SCAPER: variants seen among roughly 807,000 people sequenced by gnomAD.
The protein encoded by SCAPER is S phase cyclin A-associated protein in the endoplasmic reticulum.
Under a neutral mutation model 182.2 loss-of-function variants are expected in SCAPER, and 98 were observed. The ratio of observed to expected loss-of-function variants is 0.54; its 90% confidence interval spans 0.46 to 0.64. The LOEUF (loss-of-function observed/expected upper bound fraction) is 0.64, where lower values mean the gene tolerates loss of function less well. Ranked by LOEUF, SCAPER falls within the 30% of genes least tolerant of loss-of-function variation. SCAPER has a pLI of 0.00. For missense variants in SCAPER, 1,432 were observed against 1,690.0 expected (o/e 0.85, Z 2.68); for synonymous variants, 605 against 564.6 (o/e 1.07, Z -1.01).
At chr15:76,491,633 T>C (rs1267958131) in intron 24 of SCAPER, among the ~76,000 whole-genome samples, 1 of 152,100 alleles carries the variant, frequency 6.6e-6, no homozygotes, top group African/African-American at 2.4e-5. Flanking sequence ...CTGGTTTTGT[T>C]TTTTTGTTTT....
chr15:76,608,653 TG>T (rs1470058478), intron 22 of SCAPER, among the ~76,000 whole-genome samples: 1 of 152,202 alleles, frequency 6.6e-6, no homozygotes, highest in Admixed American at 6.5e-5. Flanking sequence ...CCTTGAGCTG[TG>T]GTGGGCTCTA....
chr15:76,693,139 T>C (rs1222003551), intron 20 of SCAPER, among the ~76,000 whole-genome samples: 5 of 152,104 alleles, frequency 3.3e-5, no homozygotes, highest in African/African-American at 1.2e-4. Flanking sequence ...GCATAAAATA[T>C]CTAGAATACC....
At chr15:76,716,149 C>A (rs1193633537) in intron 17 of SCAPER, among the ~76,000 whole-genome samples, 1 of 152,178 alleles carries the variant, frequency 6.6e-6, no homozygotes, top group Non-Finnish European at 1.5e-5. Flanking sequence ...GCCAACATCA[C>A]TGACACAGAC....
intron 27 of SCAPER, among the ~76,000 whole-genome samples, chr15:76,391,549 G>A (rs549790964): frequency 1.3e-5 from 2 of 152,324 alleles, no homozygotes; most frequent in East Asian, 1.9e-4. Context: ...AAGGAATGAA[G>A]GCCTTGGATG....
intron 1 of SCAPER, among the ~76,000 whole-genome samples, chr15:76,898,529 A>G (rs1157835437): frequency 6.6e-6 from 1 of 152,272 alleles, no homozygotes; most frequent in African/African-American, 2.4e-5. Context: ...AAAATGTGGT[A>G]TATCCATATG....
At chr15:76,656,966 G>A (rs1195840365) in intron 21 of SCAPER, among the ~76,000 whole-genome samples, 1 of 152,064 alleles carries the variant, frequency 6.6e-6, no homozygotes, top group East Asian at 1.9e-4. Context: ...CAAATTAACA[G>A]CCTAACATCA....
At chr15:76,572,913 T>A (rs62030375) in intron 23 of SCAPER, among the ~76,000 whole-genome samples, 64,107 of 118,470 alleles carry the variant, frequency 0.54, 16,569 homozygotes, top group Middle Eastern at 0.64. Context: ...TCTCTCTCTC[T>A]CTCTCTCACA....
At chr15:76,800,416 C>A (rs909113809) in intron 6 of SCAPER, 52 bp from the exon 7 acceptor site, 17 of 1,152,952 alleles carry the variant, frequency 1.5e-5, no homozygotes, top group Non-Finnish European at 3.8e-6. Flanking sequence ...AAGGGAGAAA[C>A]AAATAATCTT....
chr15:76,623,404 T>C (rs2146124782), intron 21 of SCAPER, among the ~76,000 whole-genome samples: 2 of 152,364 alleles, frequency 1.3e-5, no homozygotes, highest in East Asian at 1.9e-4. Context: ...CTTTCATTCA[T>C]CTTGAGTTAA....
intron 26 of SCAPER, among the ~76,000 whole-genome samples, chr15:76,422,451 A>G (rs1186442106): frequency 2.0e-5 from 3 of 152,128 alleles, no homozygotes; most frequent in Non-Finnish European, 4.4e-5. Flanking sequence ...AATGCTTATG[A>G]TTTTTGCACA....
intron 23 of SCAPER, among the ~76,000 whole-genome samples, chr15:76,554,680 G>A (rs758869909): frequency 1.1e-4 from 16 of 151,780 alleles, no homozygotes; most frequent in Non-Finnish European, 2.2e-4. Flanking sequence ...AAGGCAGCTA[G>A]AGAGAAGGGG....
chr15:76,903,807 T>G (rs1324244924), intron 1 of SCAPER, among the ~76,000 whole-genome samples: 1 of 152,180 alleles, frequency 6.6e-6, no homozygotes, highest in Non-Finnish European at 1.5e-5. Context: ...CAGTTCTCAA[T>G]ACTTTACAGA....
intron 21 of SCAPER, among the ~76,000 whole-genome samples, chr15:76,630,536 C>T (rs1185137258): frequency 6.6e-6 from 1 of 152,154 alleles, no homozygotes; most frequent in African/African-American, 2.4e-5. Context: ...TTCTTAACTT[C>T]TGCCTTAATT....
intron 20 of SCAPER, among the ~76,000 whole-genome samples, chr15:76,667,230 C>T (rs560222013): frequency 6.6e-5 from 10 of 152,248 alleles, no homozygotes; most frequent in African/African-American, 2.4e-4. Flanking sequence ...TTCTTGCAAC[C>T]TTAGTCCTAC....
At chr15:76,445,792 A>C (rs2047959217) in intron 25 of SCAPER, among the ~76,000 whole-genome samples, 1 of 152,114 alleles carries the variant, frequency 6.6e-6, no homozygotes. Context: ...TCAGGCTTCC[A>C]ATACAGTCTC....
At chr15:76,512,837 T>C (rs2042146572) in intron 23 of SCAPER, among the ~76,000 whole-genome samples, 1 of 146,958 alleles carries the variant, frequency 6.8e-6, no homozygotes, top group African/African-American at 2.5e-5. Context: ...GAAACTGAAG[T>C]TTCAGTTTAT....
At chr15:76,896,599 T>C (rs1022107063) in intron 1 of SCAPER, among the ~76,000 whole-genome samples, 4 of 152,068 alleles carry the variant, frequency 2.6e-5, no homozygotes, top group African/African-American at 9.7e-5. Context: ...CTCCATGATG[T>C]TTCTCACAGA....
intron 17 of SCAPER, among the ~76,000 whole-genome samples, chr15:76,716,121 GC>G (rs2059876296): frequency 6.6e-6 from 1 of 152,080 alleles, no homozygotes; most frequent in African/African-American, 2.4e-5. Context: ...TACAACCTTT[GC>G]CCTAATAACC....
intron 7 of SCAPER, among the ~76,000 whole-genome samples, chr15:76,798,357 C>CT (rs1451951748): frequency 8.1e-5 from 10 of 124,130 alleles, no homozygotes; most frequent in Non-Finnish European, 9.9e-5. Flanking sequence ...AAGACTATAT[C>CT]TTAAAAAAAA....
Sources: gnomAD v4.1 joint callset for allele counts (sites outside exome capture counted in the v4.1 genomes callset) on GRCh38, gnomAD v4.1.1 for gene constraint, MANE v1.5 for transcripts, NCBI Gene and HGNC (gene_info 2026-07-23, HGNC 2026-07-21) for gene names.